KLHL7: variants seen among roughly 807,000 people sequenced by gnomAD.
KLHL7 encodes the protein kelch-like protein 7.
Under a neutral mutation model 67.4 loss-of-function variants are expected in KLHL7, and 44 were observed. The ratio of observed to expected loss-of-function variants is 0.65; its 90% confidence interval spans 0.51 to 0.84. KLHL7 has a LOEUF of 0.84. Among genes scored for constraint, KLHL7 ranks in the 40% least tolerant of loss-of-function variants. The pLI, the probability that KLHL7 is intolerant of heterozygous loss-of-function variation, is 0.00. For synonymous variants in KLHL7, 252 were observed against 243.3 expected (o/e 1.04, Z -0.33); for missense variants, 362 against 718.1 (o/e 0.50, Z 5.67).
intron 1 of KLHL7, among the ~76,000 whole-genome samples, chr7:23,123,319 C>G (rs1419695551): frequency 1.3e-5 from 2 of 152,136 alleles, no homozygotes; most frequent in Non-Finnish European, 2.9e-5. Context: ...TTAGGAAATG[C>G]AGTGTATGTT....
Position 23,108,560 on chromosome 7 carries a change from C to T in KLHL7, c.120+2414C>T, listed in dbSNP as rs139250790. On this transcript the variant is annotated intron_variant, in intron 1 of 10. Coordinates refer to ENST00000339077, the MANE Select transcript of KLHL7 (RefSeq NM_001031710.3). ...TCCCCCCTTATGCCCTTCTCAGTCA[C>T]CAACCCCACAGTAGTAACAACTATT... is the stretch of plus-strand genomic sequence containing the variant. Among the ~76,000 whole-genome samples the T allele has an allele frequency of 2.6e-4, 40 of 152,322 alleles. No homozygotes were observed. The East Asian group carries it at 6.9e-3, about 26-fold the overall frequency.
chr7:23,106,375 A>C, intron 1 of KLHL7: 1 of 1,372,950 alleles, frequency 7.3e-7, no homozygotes, highest in Non-Finnish European at 9.4e-7. Context: ...CCCAAGTCAG[A>C]CTCCTGGGGG....
chr7:23,106,630 TG>T (rs1782652387), intron 1 of KLHL7: 1 of 1,035,760 alleles, frequency 9.7e-7, no homozygotes, highest in Non-Finnish European at 1.2e-6. Flanking sequence ...TGGAGCTAGT[TG>T]AAGAGGAGTC....
intron 4 of KLHL7, among the ~76,000 whole-genome samples, chr7:23,128,686 A>C (rs1783678464): frequency 6.6e-6 from 1 of 152,078 alleles, no homozygotes; most frequent in Non-Finnish European, 1.5e-5. Flanking sequence ...TTAAAAAAAA[A>C]AGTGACCCTA....
chr7:23,147,112 T>TA (rs1489515228), intron 6 of KLHL7, among the ~76,000 whole-genome samples: 1 of 150,238 alleles, frequency 6.7e-6, no homozygotes, highest in Non-Finnish European at 1.5e-5. Context: ...TTTTTTTTTT[T>TA]AGACAGTCTC....
chr7:23,173,022 C>T lies in KLHL7; in HGVS notation c.1454C>T (p.Ala485Val), dbSNP rs768864989. The change falls in exon 10 of 11, where the codon GCT (alanine) becomes GTT (valine). Residue 485 changes from alanine (A) to valine (V), a missense_variant. By Grantham distance (64) the Ala-to-Val change is moderately conservative (BLOSUM62 0). This residue lies in a region of KLHL7 where 136 missense variants were observed against 252.7 expected (regional missense o/e 0.54). Coordinates refer to ENST00000339077, the MANE Select transcript of KLHL7 (RefSeq NM_001031710.3). ...GLVFVKDKIFAVGGQNGLGGL... is the reference protein window; with the variant it reads ...GLVFVKDKIFVVGGQNGLGGL... The stretch of plus-strand genomic sequence containing the variant: ...GTATTTGTAAAAGACAAGATATTTG[C>T]TGTGGGTGGTCAGAATGGTTTAGGT... The T allele has an allele frequency of 1.2e-6, 2 of 1,613,334 alleles. No individual in the cohort carries two copies. Among genetic ancestry groups the T allele is most frequent in the Non-Finnish European group, 1.7e-6 (2 of 1,179,398 alleles).
intron 1 of KLHL7, among the ~76,000 whole-genome samples, chr7:23,116,146 C>G (rs1017220862): frequency 6.6e-6 from 1 of 152,296 alleles, no homozygotes; most frequent in Middle Eastern, 3.4e-3. Context: ...CCTGATTGTT[C>G]TGCACTTTTG....
At position 23,124,734 on chromosome 7, in the gene KLHL7, T is replaced by C. The variant is rs2128460340; in HGVS notation, c.270T>C (p.Ala90=). 6.2e-7 allele frequency: 1 copy of C among 1,612,548 alleles called. No homozygotes were observed. The highest frequency in any genetic ancestry group is 8.5e-7 in the Non-Finnish European group (1 of 1,178,548). ...CCTTTGAAGTAGAACTCAAAGATGCTGAACCTGATATTATTGAACAACTGG... is the reference window on the plus strand; with the variant it reads ...CCTTTGAAGTAGAACTCAAAGATGCCGAACCTGATATTATTGAACAACTGG... ...SKSFEVELKD[A]EPDIIEQLVE... The change falls in exon 3 of 11, where the codon GCT becomes GCC. Residue 90 remains alanine (A), a synonymous_variant. Transcript: ENST00000339077.
At chr7:23,132,297 C>T (rs2128462365) in intron 4 of KLHL7, among the ~76,000 whole-genome samples, 2 of 152,294 alleles carry the variant, frequency 1.3e-5, no homozygotes, top group South Asian at 2.1e-4. Flanking sequence ...CCCTTTTCTC[C>T]ACATCCTTGC....
At chr7:23,138,446 A>G (rs1380767278) in intron 4 of KLHL7, among the ~76,000 whole-genome samples, 1 of 130,542 alleles carries the variant, frequency 7.7e-6, no homozygotes, top group Non-Finnish European at 1.6e-5. Flanking sequence ...TGGGCGACAG[A>G]GCAAGACTCC....
chr7:23,121,904 A>G (rs527941669), intron 1 of KLHL7, among the ~76,000 whole-genome samples: 90 of 152,018 alleles, frequency 5.9e-4, no homozygotes, highest in African/African-American at 9.4e-4. Context: ...GGATGGTCTC[A>G]ATCTGCTGAC....
At chr7:23,168,204 TTTCCC>T in intron 9 of KLHL7, 167 bp downstream of exon 9, 1 of 641,908 alleles carries the variant, frequency 1.6e-6, no homozygotes, top group Non-Finnish European at 2.7e-6. Flanking sequence ...GACCTGGACC[TTTCCC>T]TTACACCAGA....
intron 7 of KLHL7, among the ~76,000 whole-genome samples, chr7:23,161,572 CAGG>C (rs1361697299): frequency 6.6e-6 from 1 of 152,150 alleles, no homozygotes; most frequent in Non-Finnish European, 1.5e-5. Flanking sequence ...TTTACAAAAA[CAGG>C]AGATGAAAGC....
intron 9 of KLHL7, among the ~76,000 whole-genome samples, chr7:23,169,375 T>G (rs1785091643): frequency 6.6e-6 from 1 of 152,230 alleles, no homozygotes; most frequent in Non-Finnish European, 1.5e-5. Context: ...AATCAATAAC[T>G]TCTTTCCAGT....
intron 1 of KLHL7, 197 bp downstream of exon 1, chr7:23,106,343 C>A: frequency 7.0e-7 from 1 of 1,428,830 alleles, no homozygotes; most frequent in Non-Finnish European, 9.2e-7. Flanking sequence ...AAAAGTGCTT[C>A]TCGTCTGCCG....
In KLHL7 at chr7:23,140,845, T is replaced by C. The variant is rs1784158571; in HGVS notation, c.519T>C (p.Phe173=). Residue 173 remains phenylalanine, a synonymous_variant, in exon 5 of 11, where the codon TTT becomes TTC. Coordinates refer to ENST00000339077, the MANE Select transcript of KLHL7 (RefSeq NM_001031710.3). ...CAGATGACTTTATTCATCAGCACTT[T>C]ACTGAAGTTTACAAAACTGATGAAT... ...ATADDFIHQH[F]TEVYKTDEFL... The C allele has an allele frequency of 6.2e-7, 1 of 1,613,960 alleles. No homozygotes were observed. Among genetic ancestry groups the C allele is most frequent in the Non-Finnish European group, 8.5e-7 (1 of 1,179,850 alleles).
chr7:23,175,605 G>T lies in KLHL7; in HGVS notation c.*1307G>T. 2 of 299,586 alleles carry T rather than the reference G, an allele frequency of 6.7e-6. No homozygotes were observed. The highest frequency in any genetic ancestry group is 6.4e-6 in the Non-Finnish European group (1 of 156,456). 18.6% of individuals were successfully genotyped at this position (299,586 alleles called of 1,614,324 possible). ...GATAGGTATATTTCTATTTGTGTAG[G>T]GTTTTTTAATGTACAGCTTTATTGA... On this transcript the variant is annotated 3_prime_UTR_variant, in exon 11 of 11. Coordinates refer to ENST00000339077, the MANE Select transcript of KLHL7 (RefSeq NM_001031710.3).
chr7:23,161,057 A>C (rs1436947516), intron 7 of KLHL7, among the ~76,000 whole-genome samples: 1 of 152,206 alleles, frequency 6.6e-6, no homozygotes, highest in Non-Finnish European at 1.5e-5. Context: ...CTGCTGACAA[A>C]AGTAGTTGTT....
chr7:23,158,292 G>C (rs1313735151), intron 7 of KLHL7, among the ~76,000 whole-genome samples: 2 of 152,124 alleles, frequency 1.3e-5, no homozygotes, highest in African/African-American at 4.8e-5. Flanking sequence ...AGGGACTCTA[G>C]CCTTTGGGAG....
Sources: allele counts gnomAD v4.1 joint callset (sites outside exome capture counted in the v4.1 genomes callset), GRCh38; gene constraint gnomAD v4.1.1; regional missense constraint gnomAD v4.1.1; transcripts MANE v1.5; gene names NCBI Gene and HGNC (gene_info 2026-07-23, HGNC 2026-07-21).